The following SETD3 variants were observed in gnomAD, a reference collection of about 807,000 sequenced individuals.
SETD3 encodes the protein actin-histidine N-methyltransferase.
SETD3 carries 19 observed loss-of-function variants against 63.0 expected under a neutral mutation model. The ratio of observed to expected loss-of-function variants is 0.30; its 90% confidence interval spans 0.21 to 0.44. SETD3 has a LOEUF of 0.44. SETD3 is among the 20% of genes least tolerant of loss of function. The pLI is 1.00. For missense variants in SETD3, 587 were observed against 728.5 expected (o/e 0.81, Z 2.24); for synonymous variants, 286 against 264.1 (o/e 1.08, Z -0.80).
chr14:99,423,431 A>G (rs1399123748), intron 6 of SETD3, among the ~76,000 whole-genome samples: 5 of 151,932 alleles, frequency 3.3e-5, no homozygotes, highest in Non-Finnish European at 5.9e-5. Context: ...ATAACCAAAC[A>G]TAATTTAAAA....
chr14:99,399,493 C>T (rs1891264632), intron 12 of SETD3, among the ~76,000 whole-genome samples: 1 of 152,022 alleles, frequency 6.6e-6, no homozygotes, highest in African/African-American at 2.4e-5. Context: ...AGTGAAGGAA[C>T]GAATAAATGA....
intron 1 of SETD3, among the ~76,000 whole-genome samples, chr14:99,469,093 A>C (rs1160444887): frequency 2.0e-5 from 3 of 152,256 alleles, no homozygotes; most frequent in Non-Finnish European, 4.4e-5. Context: ...TTGAAAACAA[A>C]ATACATTCCG....
chr14:99,450,434 G>C (rs901115138), intron 6 of SETD3, among the ~76,000 whole-genome samples: 7 of 152,234 alleles, frequency 4.6e-5, no homozygotes, highest in African/African-American at 1.7e-4. Flanking sequence ...AGGATGCCAA[G>C]AACCAAAAGT....
intron 6 of SETD3, among the ~76,000 whole-genome samples, chr14:99,448,545 T>C (rs1894268200): frequency 6.6e-6 from 1 of 152,160 alleles, no homozygotes; most frequent in Admixed American, 6.5e-5. Context: ...TTCCCTTCTA[T>C]GCCCCATAAT....
intron 6 of SETD3, among the ~76,000 whole-genome samples, 164 bp from the exon 7 acceptor site, chr14:99,414,098 C>T (rs1438132431): frequency 6.6e-6 from 1 of 152,268 alleles, no homozygotes; most frequent in Non-Finnish European, 1.5e-5. Flanking sequence ...CGCTGTTATG[C>T]TCTCATACAT....
At chr14:99,407,172 C>G (rs941845449) in intron 8 of SETD3, among the ~76,000 whole-genome samples, 1 of 152,130 alleles carries the variant, frequency 6.6e-6, no homozygotes, top group African/African-American at 2.4e-5. Context: ...TTTTTATGCC[C>G]TCTCTTTCTG....
intron 11 of SETD3, among the ~76,000 whole-genome samples, chr14:99,400,994 C>T (rs778403928): frequency 7.9e-5 from 12 of 152,062 alleles, no homozygotes; most frequent in Admixed American, 6.6e-5. Context: ...ACAAAATTAG[C>T]CAGGTATGGT....
intron 1 of SETD3, among the ~76,000 whole-genome samples, chr14:99,471,515 A>T (rs1226721199): frequency 2.0e-5 from 3 of 152,230 alleles, no homozygotes; most frequent in African/African-American, 7.2e-5. Context: ...CATGCCTATC[A>T]TCCCAGGTGC....
At chr14:99,415,679 A>G (rs1049041390) in intron 6 of SETD3, among the ~76,000 whole-genome samples, 4 of 152,186 alleles carry the variant, frequency 2.6e-5, no homozygotes, top group Admixed American at 2.6e-4. Flanking sequence ...GCATGGTTAC[A>G]TAATATTTGC....
At chr14:99,407,816 T>C (rs1891768089) in intron 8 of SETD3, among the ~76,000 whole-genome samples, 1 of 152,142 alleles carries the variant, frequency 6.6e-6, no homozygotes, top group African/African-American at 2.4e-5. Flanking sequence ...TCGGTCACAC[T>C]TGGAAGCTGG....
At chr14:99,443,850 T>C (rs1893978759) in intron 6 of SETD3, among the ~76,000 whole-genome samples, 1 of 152,172 alleles carries the variant, frequency 6.6e-6, no homozygotes, top group Non-Finnish European at 1.5e-5. Context: ...TATAGTCTTC[T>C]CGCTCTGGAA....
intron 6 of SETD3, among the ~76,000 whole-genome samples, chr14:99,456,970 G>C (rs1341669304): frequency 6.6e-6 from 1 of 152,154 alleles, no homozygotes; most frequent in East Asian, 1.9e-4. Context: ...TAGTAAAAAG[G>C]GCCAGCTTGT....
intron 6 of SETD3, among the ~76,000 whole-genome samples, chr14:99,422,274 T>G (rs1208176941): frequency 6.6e-6 from 1 of 152,190 alleles, no homozygotes; most frequent in Non-Finnish European, 1.5e-5. Context: ...TCCCAACAAT[T>G]TCCAATATTC....
At chr14:99,427,306 G>A (rs1408682779) in intron 6 of SETD3, among the ~76,000 whole-genome samples, 1 of 152,096 alleles carries the variant, frequency 6.6e-6, no homozygotes, top group Non-Finnish European at 1.5e-5. Flanking sequence ...CCATCATAAG[G>A]ATAACCAAAA....
intron 1 of SETD3, among the ~76,000 whole-genome samples, chr14:99,472,502 T>G (rs1156853371): frequency 6.6e-6 from 1 of 152,222 alleles, no homozygotes. Flanking sequence ...GGGGCTAAAT[T>G]ACAAGTTTAA....
intron 4 of SETD3, 132 bp downstream of exon 4, chr14:99,461,060 G>A: frequency 6.5e-6 from 7 of 1,081,298 alleles, no homozygotes; most frequent in Non-Finnish European, 9.4e-6. Context: ...GGCCCTTCCA[G>A]GCTGCCTATC....
At chr14:99,475,145 C>T (rs1055197899) in intron 1 of SETD3, among the ~76,000 whole-genome samples, 1 of 152,164 alleles carries the variant, frequency 6.6e-6, no homozygotes, top group Non-Finnish European at 1.5e-5. Context: ...CAGCTGTAAT[C>T]CGTCAAGAAA....
intron 1 of SETD3, among the ~76,000 whole-genome samples, chr14:99,468,761 C>T (rs1228975140): frequency 6.6e-6 from 1 of 152,184 alleles, no homozygotes; most frequent in East Asian, 1.9e-4. Flanking sequence ...TCACAATCTT[C>T]TCTTCTCTGC....
chr14:99,475,012 T>C (rs1300283333), intron 1 of SETD3, among the ~76,000 whole-genome samples: 6 of 152,154 alleles, frequency 3.9e-5, no homozygotes, highest in Non-Finnish European at 7.3e-5. Context: ...TAACATGAGG[T>C]TCCTATTTAA....
Sources: allele counts gnomAD v4.1 joint callset (sites outside exome capture counted in the v4.1 genomes callset), GRCh38; gene constraint gnomAD v4.1.1; transcripts MANE v1.5; gene names NCBI Gene and HGNC (gene_info 2026-07-23, HGNC 2026-07-21).